Variants in CALN1 observed in about 807,000 individuals in gnomAD.
CALN1 encodes the protein calcium-binding protein 8.
In CALN1, 17 loss-of-function variants were observed where a neutral mutation model predicts 30.6. That is an observed-to-expected ratio of 0.56 (90% CI 0.38 to 0.83). The LOEUF (loss-of-function observed/expected upper bound fraction) is 0.83. Ranked by LOEUF, CALN1 falls within the 40% of genes least tolerant of loss-of-function variation. The probability of loss-of-function intolerance (pLI) is 0.00; values close to 1 mark genes in which losing one functional copy is unlikely to be tolerated. For synonymous variants in CALN1, 156 were observed against 131.4 expected (o/e 1.19, Z -1.28); for missense variants, 291 against 354.9 (o/e 0.82, Z 1.45).
At chr7:72,347,395 T>C (rs1026815488) in intron 2 of CALN1, among the ~76,000 whole-genome samples, 1 of 151,890 alleles carries the variant, frequency 6.6e-6, no homozygotes, top group Non-Finnish European at 1.5e-5. Context: ...GCCTCCTGAG[T>C]AGCTGGGATT....
intron 5 of CALN1, among the ~76,000 whole-genome samples, chr7:71,907,314 G>A (rs1401045823): frequency 6.6e-6 from 1 of 151,816 alleles, no homozygotes; most frequent in Non-Finnish European, 1.5e-5. Context: ...TCTCCAGAAT[G>A]CTGCACTGCT....
upstream of CALN1, among the ~76,000 whole-genome samples, chr7:72,450,278 C>A (rs1808634598): frequency 6.6e-6 from 1 of 152,190 alleles, no homozygotes; most frequent in African/African-American, 2.4e-5. Flanking sequence ...CCTCCATTTT[C>A]CGAGGAGATT....
At chr7:71,933,519 G>T (rs891139811) in intron 5 of CALN1, among the ~76,000 whole-genome samples, 8 of 152,120 alleles carry the variant, frequency 5.3e-5, no homozygotes, top group Admixed American at 1.3e-4. Flanking sequence ...GGCGCAAGAT[G>T]ATGAGCCCTG....
At chr7:72,400,039 C>T (rs901276880) in intron 2 of CALN1, among the ~76,000 whole-genome samples, 6 of 152,136 alleles carry the variant, frequency 3.9e-5, no homozygotes, top group African/African-American at 1.4e-4. Flanking sequence ...CAGATTAGGC[C>T]ATCCCCTTCT....
intron 5 of CALN1, among the ~76,000 whole-genome samples, chr7:71,847,828 G>C (rs545031788): frequency 2.9e-5 from 3 of 102,570 alleles, no homozygotes; most frequent in Admixed American, 1.1e-4. Flanking sequence ...AGAAGGAGAA[G>C]GAGAAGGAGA....
chr7:71,970,303 C>A (rs1175419312), intron 5 of CALN1, among the ~76,000 whole-genome samples: 1 of 152,152 alleles, frequency 6.6e-6, no homozygotes, highest in East Asian at 1.9e-4. Context: ...TGATTGCTTC[C>A]TTCCAATCCC....
intron 3 of CALN1, among the ~76,000 whole-genome samples, chr7:72,256,360 T>G (rs867409635): frequency 6.6e-6 from 1 of 152,044 alleles, no homozygotes; most frequent in African/African-American, 2.4e-5. Context: ...CTTGGGAGGC[T>G]GAGGTAGGAA....
At chr7:72,132,138 A>C (rs1223168488) in intron 3 of CALN1, among the ~76,000 whole-genome samples, 1 of 152,212 alleles carries the variant, frequency 6.6e-6, no homozygotes, top group African/African-American at 2.4e-5. Context: ...AACTTAGGAT[A>C]AGGTTATGTC....
Position 72,404,456 on chromosome 7 carries a change from G to A in CALN1, c.-73-1014C>T, listed in dbSNP as rs137861684. On this transcript the variant is annotated intron_variant, in intron 1 of 6. Coordinates refer to ENST00000395275, the MANE Select transcript of CALN1 (RefSeq NM_031468.4). ...AACAAAGACTCTCTTGAGATGTGAAGTTCAGAGAGTGTAAATGGAAGACGT... is the reference window on the plus strand; with the variant it reads ...AACAAAGACTCTCTTGAGATGTGAAATTCAGAGAGTGTAAATGGAAGACGT... 4.6e-5 allele frequency among the ~76,000 whole-genome samples: 7 copies of A among 152,344 alleles called. No homozygotes were observed. The South Asian group carries it at 1.2e-3, about 27-fold the overall frequency.
At chr7:72,187,395 C>G (rs1790281868) in intron 3 of CALN1, among the ~76,000 whole-genome samples, 1 of 152,108 alleles carries the variant, frequency 6.6e-6, no homozygotes, top group African/African-American at 2.4e-5. Context: ...GGTACAGGTC[C>G]ACAGCCTGTT....
intron 5 of CALN1, among the ~76,000 whole-genome samples, chr7:71,907,729 T>C (rs1229917474): frequency 6.6e-6 from 1 of 152,248 alleles, no homozygotes. Context: ...TAGTGCCCTA[T>C]CTGTGAATTC....
At chr7:71,997,884 G>C (rs1799331398) in intron 5 of CALN1, among the ~76,000 whole-genome samples, 2 of 152,178 alleles carry the variant, frequency 1.3e-5, no homozygotes, top group Admixed American at 1.3e-4. Flanking sequence ...GCAATGGTGT[G>C]ATCTCAGCTC....
chr7:71,891,804 C>G (rs902753689), intron 5 of CALN1, among the ~76,000 whole-genome samples: 1 of 152,124 alleles, frequency 6.6e-6, no homozygotes, highest in East Asian at 1.9e-4. Context: ...ATTAGCTGGG[C>G]ATGGTGGCTC....
chr7:72,086,333 G>A (rs2129539339), intron 4 of CALN1, among the ~76,000 whole-genome samples: 1 of 152,222 alleles, frequency 6.6e-6, no homozygotes, highest in South Asian at 2.1e-4. Flanking sequence ...AAAAAAGATG[G>A]AAAAGTCCCA....
intron 5 of CALN1, among the ~76,000 whole-genome samples, chr7:71,924,253 AGGATTT>A (rs1795141465): frequency 6.7e-6 from 1 of 149,844 alleles, no homozygotes; most frequent in Non-Finnish European, 1.5e-5. Context: ...AAAAAAGATT[AGGATTT>A]CAGATCTTTT....
chr7:72,452,933 G>A, the CALN1 span, among the ~76,000 whole-genome samples: 39 of 152,214 alleles, frequency 2.6e-4, no homozygotes, highest in African/African-American at 5.5e-4. Context: ...CCTACCTGCC[G>A]GCTTCCTGTT....
chr7:72,340,651 G>A (rs1462691678), intron 2 of CALN1, among the ~76,000 whole-genome samples: 3 of 152,282 alleles, frequency 2.0e-5, no homozygotes, highest in African/African-American at 7.2e-5. Context: ...GCCACTGGTT[G>A]AGTTTTATGT....
chr7:72,314,376 C>CATATATACAT, intron 2 of CALN1, among the ~76,000 whole-genome samples: 1 of 41,940 alleles, frequency 2.4e-5, no homozygotes, highest in Non-Finnish European at 6.7e-5. Flanking sequence ...CATATATACA[C>CATATATACAT]ATATATACAC....
intron 5 of CALN1, among the ~76,000 whole-genome samples, chr7:71,971,024 C>A (rs917398978): frequency 4.6e-5 from 7 of 152,046 alleles, no homozygotes; most frequent in Non-Finnish European, 8.8e-5. Flanking sequence ...CACTAGGAAC[C>A]AGTAAAGGAA....
Sources: allele counts gnomAD v4.1 joint callset (sites outside exome capture counted in the v4.1 genomes callset), GRCh38; gene constraint gnomAD v4.1.1; transcripts MANE v1.5; gene names NCBI Gene and HGNC (gene_info 2026-07-23, HGNC 2026-07-21).